ASTN1: variants seen among roughly 807,000 people sequenced by gnomAD.
ASTN1 encodes astrotactin-1.
In ASTN1, 41 loss-of-function variants were observed where a neutral mutation model predicts 140.7. That is an observed-to-expected ratio of 0.29 (90% CI 0.23 to 0.38). The LOEUF (loss-of-function observed/expected upper bound fraction) is 0.38. Ranked by LOEUF, ASTN1 falls within the 10% of genes least tolerant of loss-of-function variation. The pLI is 1.00. For synonymous variants in ASTN1, 640 were observed against 652.2 expected, an observed-to-expected ratio of 0.98 and a Z score of 0.29; for missense variants, 1,479 against 1,678.8, an observed-to-expected ratio of 0.88 and a Z score of 2.08.
intron 1 of ASTN1, among the ~76,000 whole-genome samples, chr1:177,114,356 T>C (rs1680970462): frequency 6.6e-6 from 1 of 152,198 alleles, no homozygotes; most frequent in Non-Finnish European, 1.5e-5. Context: ...ACCATTTGTT[T>C]TTCCTATTAG....
intron 14 of ASTN1, among the ~76,000 whole-genome samples, chr1:176,941,100 C>A (rs2103102631): frequency 6.6e-6 from 1 of 152,218 alleles, no homozygotes; most frequent in South Asian, 2.1e-4. Context: ...ATCCTCTGAG[C>A]TAAATTTATG....
intron 21 of ASTN1, among the ~76,000 whole-genome samples, chr1:176,870,505 T>C (rs1373874527): frequency 1.3e-5 from 2 of 152,226 alleles, no homozygotes; most frequent in East Asian, 1.9e-4. Flanking sequence ...AGGAGCCAGA[T>C]TGTATGCCCT....
intron 12 of ASTN1, among the ~76,000 whole-genome samples, chr1:176,947,182 T>G (rs1671994466): frequency 6.6e-6 from 1 of 152,218 alleles, no homozygotes; most frequent in Non-Finnish European, 1.5e-5. Flanking sequence ...GAGCTTCAGT[T>G]TCCAAAACTG....
At chr1:177,128,950 C>T (rs1173049615) in intron 1 of ASTN1, among the ~76,000 whole-genome samples, 1 of 152,092 alleles carries the variant, frequency 6.6e-6, no homozygotes, top group Non-Finnish European at 1.5e-5. Context: ...AATGTAAGAA[C>T]AAAGAGGGAA....
chr1:176,972,986 C>T lies in ASTN1; in HGVS notation c.1524-7749G>A, dbSNP rs180910266. ...CTGCTCTGCCCCCATCTTCCCTCCT[C>T]ATTTCAGATCCTGGATCACTGTCCT... On this transcript the variant is annotated intron_variant, in intron 8 of 22. Coordinates refer to ENST00000361833, the MANE Select transcript of ASTN1 (RefSeq NM_004319.3). 1.6e-4 allele frequency among the ~76,000 whole-genome samples: 25 copies of T among 152,234 alleles called. No individual in the cohort carries two copies. In the East Asian group the frequency reaches 4.8e-3, roughly 29 times the overall value.
At chr1:176,878,062 C>T (rs1668636956) in intron 20 of ASTN1, among the ~76,000 whole-genome samples, 1 of 152,104 alleles carries the variant, frequency 6.6e-6, no homozygotes, top group South Asian at 2.1e-4. Context: ...ATTTGCCTTC[C>T]CTCTACCTTC....
intron 2 of ASTN1, among the ~76,000 whole-genome samples, chr1:177,049,487 A>G (rs1289180267): frequency 6.6e-6 from 1 of 152,194 alleles, no homozygotes; most frequent in Non-Finnish European, 1.5e-5. Flanking sequence ...TAAAACATGA[A>G]CGCCAAAGTT....
chr1:176,922,726 C>A lies in ASTN1; in HGVS notation c.2671+11426G>T, dbSNP rs867721395. ...AGGTTTGACCCTGCTGTTCCACTAA[C>A]CACAAGTTAGTAGACGATTTGTGAC... is the stretch of plus-strand genomic sequence containing the variant. On this transcript the variant is annotated intron_variant, in intron 16 of 22. Coordinates refer to ENST00000361833, the MANE Select transcript of ASTN1 (RefSeq NM_004319.3). Among the ~76,000 whole-genome samples the A allele has an allele frequency of 4.6e-5, 7 of 152,222 alleles. 1 individual carries two copies. In the Middle Eastern group the frequency reaches 0.01, roughly 222 times the overall value.
chr1:176,872,940 C>T (rs140388964), intron 21 of ASTN1, among the ~76,000 whole-genome samples: 22 of 152,298 alleles, frequency 1.4e-4, no homozygotes, highest in Admixed American at 5.2e-4. Flanking sequence ...ATACACATTA[C>T]TGTTTTGCTG....
At chr1:176,888,029 C>T in intron 18 of ASTN1, 42 bp downstream of exon 18, 1 of 1,611,680 alleles carries the variant, frequency 6.2e-7, no homozygotes, top group African/African-American at 1.3e-5. Flanking sequence ...CGCTCATTAT[C>T]TGTTTCCAGA....
downstream of ASTN1, among the ~76,000 whole-genome samples, chr1:176,860,495 G>A (rs1018588584): frequency 2.6e-5 from 4 of 152,220 alleles, no homozygotes; most frequent in Non-Finnish European, 5.9e-5. Flanking sequence ...TAGAGAGAAA[G>A]AAAGAGATTA....
intron 1 of ASTN1, among the ~76,000 whole-genome samples, chr1:177,131,031 C>G (rs1011935814): frequency 5.9e-5 from 9 of 152,162 alleles, no homozygotes; most frequent in African/African-American, 2.2e-4. Flanking sequence ...AGCACCTTCC[C>G]CTCAAGTCAC....
chr1:177,069,970 C>G (rs1339552811), intron 1 of ASTN1, among the ~76,000 whole-genome samples: 1 of 152,094 alleles, frequency 6.6e-6, no homozygotes, highest in Non-Finnish European at 1.5e-5. Flanking sequence ...TCCACTGCCA[C>G]CCGACTGACT....
chr1:176,896,738 T>C (rs1669522578), intron 16 of ASTN1, among the ~76,000 whole-genome samples: 1 of 152,026 alleles, frequency 6.6e-6, no homozygotes, highest in Non-Finnish European at 1.5e-5. Context: ...AGTCGATGAG[T>C]TGTAGCTCAT....
At chr1:177,147,623 C>T (rs1278101147) in intron 1 of ASTN1, among the ~76,000 whole-genome samples, 5 of 152,076 alleles carry the variant, frequency 3.3e-5, no homozygotes, top group Admixed American at 6.5e-5. Context: ...AATAATAGCC[C>T]ATTATTCCTG....
chr1:177,160,275 T>C (rs1230646868), intron 1 of ASTN1, among the ~76,000 whole-genome samples: 2 of 152,226 alleles, frequency 1.3e-5, no homozygotes, highest in African/African-American at 2.4e-5. Context: ...TCTCCACTGC[T>C]GGAATAAGTA....
In ASTN1 at chr1:176,861,857, G is replaced by A. The variant is rs1276051239; in HGVS notation, c.*2427C>T. 4.1e-6 allele frequency: 4 copies of A among 985,206 alleles called. No individual in the cohort carries two copies. The highest frequency in any genetic ancestry group is 4.8e-6 in the Non-Finnish European group (4 of 829,874). The allele number at this position is 985,206 out of a possible 1,614,324, so 61.0% of individuals were successfully genotyped here. On this transcript the variant is annotated 3_prime_UTR_variant, in exon 23 of 23. Transcript: ENST00000361833. ...ACTTGGGAGACTGAGGGAAAGATAG[G>A]AGAGAGGAAGATAGTGTGCCTAAAA...
intron 16 of ASTN1, among the ~76,000 whole-genome samples, chr1:176,902,172 A>AT (rs2103048366): frequency 6.6e-6 from 1 of 152,226 alleles, no homozygotes; most frequent in African/African-American, 2.4e-5. Context: ...GGAAAAATGA[A>AT]TTTTTTGTTT....
Position 177,141,864 on chromosome 1 carries a change from G to C in ASTN1, c.283+22530C>G, listed in dbSNP as rs115013198. On this transcript the variant is annotated intron_variant, in intron 1 of 22. Coordinates refer to ENST00000361833, the MANE Select transcript of ASTN1 (RefSeq NM_004319.3). ...CACCTTGGAGCAAAACCAAAGCATAGTTATGTGCTATACTTTCTTACTTGA... is the reference window on the plus strand; with the variant it reads ...CACCTTGGAGCAAAACCAAAGCATACTTATGTGCTATACTTTCTTACTTGA... 1.8e-3 allele frequency among the ~76,000 whole-genome samples: 271 copies of C among 152,306 alleles called. 1 individual carries two copies. Among genetic ancestry groups the C allele is most frequent in the African/African-American group, 6.4e-3 (265 of 41,564 alleles).
Sources: gnomAD v4.1 joint callset for allele counts (sites outside exome capture counted in the v4.1 genomes callset) on GRCh38, gnomAD v4.1.1 for gene constraint, MANE v1.5 for transcripts, NCBI Gene and HGNC (gene_info 2026-07-23, HGNC 2026-07-21) for gene names.